DGKD: variants seen among roughly 807,000 people sequenced by gnomAD.
The protein encoded by DGKD is DAG kinase delta.
DGKD carries 68 observed loss-of-function variants against 154.4 expected under a neutral mutation model. That is an observed-to-expected ratio of 0.44 (90% CI 0.36 to 0.54). The LOEUF is 0.54. DGKD is among the 20% of genes least tolerant of loss of function. The probability of loss-of-function intolerance (pLI) is 0.00; values close to 1 mark genes in which losing one functional copy is unlikely to be tolerated. For missense variants in DGKD, 1,343 were observed against 1,593.6 expected (o/e 0.84, Z 2.68); for synonymous variants, 693 against 638.0 (o/e 1.09, Z -1.30).
At chr2:233,437,570 C>G in intron 8 of DGKD, 91 bp downstream of exon 8, 4 of 1,297,954 alleles carry the variant, frequency 3.1e-6, no homozygotes, top group Non-Finnish European at 4.4e-6. Flanking sequence ...AGTTGGTTAT[C>G]TTGGTGAGAT....
chr2:233,467,254 C>G, intron 28 of DGKD, 51 bp downstream of exon 28: 1 of 1,298,926 alleles, frequency 7.7e-7, no homozygotes, highest in South Asian at 1.2e-5. Flanking sequence ...CCTGCTGGAT[C>G]GGCCCCGTTC....
Position 233,387,799 on chromosome 2 carries a change from C to G in DGKD, c.157-458C>G, listed in dbSNP as rs570413735. ...CTGGAGCTTCTGAGCCCCAGAGCCGCTGACGTAGACAGCTTTGGCAGCAGC... is the reference window on the plus strand; with the variant it reads ...CTGGAGCTTCTGAGCCCCAGAGCCGGTGACGTAGACAGCTTTGGCAGCAGC... On this transcript the variant is annotated intron_variant, in intron 1 of 29. Coordinates refer to ENST00000264057, the MANE Select transcript of DGKD (RefSeq NM_152879.3). 5.1e-3 allele frequency among the ~76,000 whole-genome samples: 769 copies of G among 152,270 alleles called. 11 individuals are homozygous for G. The highest frequency in any genetic ancestry group is 0.018 in the African/African-American group (739 of 41,552).
In DGKD at chr2:233,452,324, A is replaced by G. The variant is rs1404312802; in HGVS notation, c.2264+264A>G. ...CTTGCTTGACGTCCCCTGAGCCTGC[A>G]TGCCCTTCTGAGGCTTTTCACAGGC... On this transcript the variant is annotated intron_variant, in intron 18 of 29. Transcript: ENST00000264057. The surrounding 1 kb of genome is among the most constrained non-coding windows in gnomAD (Gnocchi z 4.0). 6.6e-6 allele frequency among the ~76,000 whole-genome samples: 1 copy of G among 152,170 alleles called. No individual in the cohort carries two copies. Among genetic ancestry groups the G allele is most frequent in the Non-Finnish European group, 1.5e-5 (1 of 68,024 alleles).
At chr2:233,451,614 C>T (rs182250910) in intron 17 of DGKD, among the ~76,000 whole-genome samples, 215 of 150,538 alleles carry the variant, frequency 1.4e-3, no homozygotes, top group South Asian at 6.7e-3. Context: ...ATTGCCCAGG[C>T]TGGAGTGCAG....
At chr2:233,366,837 T>C (rs1340769459) in intron 1 of DGKD, among the ~76,000 whole-genome samples, 1 of 151,910 alleles carries the variant, frequency 6.6e-6, no homozygotes, top group East Asian at 1.9e-4. Context: ...AGAGGAGGAC[T>C]AGTCAAAGAA....
intron 1 of DGKD, among the ~76,000 whole-genome samples, chr2:233,369,396 T>G (rs1702199702): frequency 6.6e-6 from 1 of 152,242 alleles, no homozygotes; most frequent in South Asian, 2.1e-4. Context: ...TGTTGTCTTT[T>G]AATTTCAACC....
intron 3 of DGKD, among the ~76,000 whole-genome samples, chr2:233,398,156 T>A (rs1359621399): frequency 1.4e-5 from 2 of 144,798 alleles, no homozygotes; most frequent in Non-Finnish European, 3.0e-5. Flanking sequence ...AATTTTTTTT[T>A]TTTTGAGATG....
chr2:233,450,885 C>T (rs1195084601), intron 16 of DGKD, 37 bp from the exon 17 acceptor site: 3 of 1,579,610 alleles, frequency 1.9e-6, no homozygotes, highest in Non-Finnish European at 2.6e-6. Flanking sequence ...AGTCTCTATT[C>T]CACACAGCTG....
intron 16 of DGKD, 44 bp downstream of exon 16, chr2:233,450,175 G>A (rs532941337): frequency 1.9e-6 from 3 of 1,554,042 alleles, no homozygotes; most frequent in African/African-American, 2.7e-5. Context: ...CGTGTGCTTG[G>A]TTTTGGTGAG....
intron 27 of DGKD, among the ~76,000 whole-genome samples, chr2:233,465,569 TAGTG>T (rs562500106): frequency 2.0e-4 from 31 of 152,290 alleles, no homozygotes; most frequent in African/African-American, 5.5e-4. Context: ...CTCGGCAACA[TAGTG>T]AGACCCTGTC....
At position 233,401,351 on chromosome 2, in the gene DGKD, A is replaced by G. The variant is rs76196556; in HGVS notation, c.348+10868A>G. 5.0e-3 allele frequency among the ~76,000 whole-genome samples: 758 copies of G among 152,324 alleles called. 11 individuals are homozygous for G. The highest frequency in any genetic ancestry group is 0.017 in the African/African-American group (724 of 41,572). ...AAGCAATAAACCAAATTCATTTATT[A>G]TATCATTTGGTATGTGGAAAATTTT... is the stretch of plus-strand genomic sequence containing the variant. On this transcript the variant is annotated intron_variant, in intron 3 of 29. Transcript: ENST00000264057.
intron 3 of DGKD, among the ~76,000 whole-genome samples, chr2:233,428,618 G>T (rs2125570135): frequency 6.6e-6 from 1 of 152,326 alleles, no homozygotes; most frequent in South Asian, 2.1e-4. Flanking sequence ...TGGAGGCACA[G>T]GGCGGAGAAG....
chr2:233,374,131 A>T (rs1175439247), intron 1 of DGKD, among the ~76,000 whole-genome samples: 1 of 130,272 alleles, frequency 7.7e-6, no homozygotes, highest in South Asian at 2.4e-4. Flanking sequence ...GCTCACTGCA[A>T]CCTCCACCTC....
At chr2:233,359,222 C>T (rs1387543604) in intron 1 of DGKD, among the ~76,000 whole-genome samples, 2 of 152,178 alleles carry the variant, frequency 1.3e-5, no homozygotes, top group Non-Finnish European at 2.9e-5. Context: ...GGTGTCTAAA[C>T]CTCCCTTAAG....
chr2:233,393,569 C>T lies in DGKD; in HGVS notation c.348+3086C>T, dbSNP rs1278671255. Among the ~76,000 whole-genome samples the T allele has an allele frequency of 2.6e-5, 4 of 151,786 alleles. No homozygotes were observed. The South Asian group carries it at 6.2e-4, about 24-fold the overall frequency. ...TCTAGGCTGGTCTTGACCTCCTGAC[C>T]TCAAGTGATCCTCCTGCCTCAGCCT... On this transcript the variant is annotated intron_variant, in intron 3 of 29. Transcript: ENST00000264057.
chr2:233,450,162 C>T (rs746474077), intron 16 of DGKD, 31 bp downstream of exon 16: 11 of 1,572,544 alleles, frequency 7.0e-6, no homozygotes, highest in East Asian at 4.5e-5. Flanking sequence ...CTCTGCGCAC[C>T]GTCGTGTGCT....
At chr2:233,364,641 G>C (rs902862604) in intron 1 of DGKD, among the ~76,000 whole-genome samples, 10 of 152,272 alleles carry the variant, frequency 6.6e-5, no homozygotes, top group African/African-American at 2.2e-4. Context: ...GTGTGTGATA[G>C]CTAAGCTAAA....
intron 1 of DGKD, among the ~76,000 whole-genome samples, chr2:233,385,276 C>T (rs992279314): frequency 2.6e-5 from 4 of 152,178 alleles, no homozygotes; most frequent in Admixed American, 6.5e-5. Context: ...ATATGTCTGT[C>T]GGGTCAGTGG....
chr2:233,419,228 C>T lies in DGKD; in HGVS notation c.349-15152C>T, dbSNP rs140616842. The T allele has an allele frequency of 3.7e-5, 36 of 985,684 alleles. 1 individual carries two copies. Among genetic ancestry groups the T allele is most frequent in the Middle Eastern group, 5.2e-4 (1 of 1,916 alleles). The allele number at this position is 985,684 out of a possible 1,614,324, so 61.1% of individuals were successfully genotyped here. A position where few individuals can be genotyped will look rare whatever the true frequency, so the allele number is the denominator to read the frequency against. ...GAGTGCCTCATCCTGCCCCCAGCAC[C>T]GTCCCTTTGCCCCTCTTTTGGTTGG... is the stretch of plus-strand genomic sequence containing the variant. On this transcript the variant is annotated intron_variant, in intron 3 of 29. Transcript: ENST00000264057.
Sources: gnomAD v4.1 joint callset for allele counts (sites outside exome capture counted in the v4.1 genomes callset) on GRCh38, gnomAD v4.1.1 for gene constraint, Gnocchi (gnomAD v3.1) non-coding constraint, MANE v1.5 for transcripts, NCBI Gene and HGNC (gene_info 2026-07-23, HGNC 2026-07-21) for gene names.